The following PTPRM variants were observed in gnomAD, a reference collection of about 807,000 sequenced individuals.
PTPRM encodes the protein receptor-type tyrosine-protein phosphatase mu.
A neutral mutation model predicts 186.7 loss-of-function variants in PTPRM; 47 were observed. The ratio of observed to expected loss-of-function variants is 0.25; its 90% CI spans 0.20 to 0.32. PTPRM has a LOEUF of 0.32. PTPRM is among the 10% of genes least tolerant of loss of function. The pLI is 1.00. For missense variants in PTPRM, 1,494 were observed against 1,865.0 expected, an observed-to-expected ratio of 0.80 and a Z score of 3.66; for synonymous variants, 668 against 674.9, an observed-to-expected ratio of 0.99 and a Z score of 0.16.
intron 19 of PTPRM, among the ~76,000 whole-genome samples, chr18:8,266,931 C>T (rs1199773979): frequency 2.0e-5 from 3 of 152,004 alleles, no homozygotes; most frequent in Non-Finnish European, 4.4e-5. Context: ...AAAGAATTCA[C>T]CCATATTATT....
intron 24 of PTPRM, among the ~76,000 whole-genome samples, chr18:8,372,229 G>T (rs923729830): frequency 6.8e-6 from 1 of 146,180 alleles, no homozygotes; most frequent in African/African-American, 2.5e-5. Context: ...CCGCCACCGC[G>T]CCCGGCTAAT....
chr18:8,201,437 T>C (rs1411212560), intron 14 of PTPRM, among the ~76,000 whole-genome samples: 3 of 152,282 alleles, frequency 2.0e-5, no homozygotes, highest in African/African-American at 7.2e-5. Flanking sequence ...CATTAGTACT[T>C]GTGTCCTTTT....
chr18:7,847,403 G>A (rs760876755), intron 2 of PTPRM, among the ~76,000 whole-genome samples: 10 of 152,042 alleles, frequency 6.6e-5, no homozygotes, highest in Non-Finnish European at 1.2e-4. Context: ...CTGGGCTTAA[G>A]CAATCCACCC....
chr18:7,594,319 A>G (rs2037199239), intron 1 of PTPRM, among the ~76,000 whole-genome samples: 1 of 152,092 alleles, frequency 6.6e-6, no homozygotes, highest in African/African-American at 2.4e-5. Context: ...TGTCTCTACA[A>G]AAATATAAAA....
rs377234109 is a variant in PTPRM at position 8,247,861 on chromosome 18, G to A, written c.2469G>A (p.Ser823=). ...NLNGRSVSSP[S]SFTMKTNTLS... ...TATTTACAGCTGTGTCTTCACCATC[G>A]TCCTTCACAATGAAAACAAATACAC... The change falls in exon 16 of 33, where the codon TCG becomes TCA. Residue 823 remains serine, a synonymous_variant. Transcript: ENST00000580170. The A allele has an allele frequency of 2.1e-5, 33 of 1,603,254 alleles. No individual in the cohort carries two copies. Among genetic ancestry groups the A allele is most frequent in the African/African-American group, 9.4e-5 (7 of 74,600 alleles).
At chr18:7,943,394 G>C (rs539649234) in intron 5 of PTPRM, among the ~76,000 whole-genome samples, 1 of 152,188 alleles carries the variant, frequency 6.6e-6, no homozygotes, top group South Asian at 2.1e-4. Flanking sequence ...ATTCCAAAGT[G>C]GGGTACTCTA....
intron 7 of PTPRM, among the ~76,000 whole-genome samples, chr18:8,053,693 T>A (rs1303205490): frequency 6.6e-6 from 1 of 152,202 alleles, no homozygotes; most frequent in Non-Finnish European, 1.5e-5. Flanking sequence ...AAAACTCTAA[T>A]TAGGTTTTAA....
At chr18:7,665,690 G>T (rs1056323284) in intron 1 of PTPRM, among the ~76,000 whole-genome samples, 1 of 152,088 alleles carries the variant, frequency 6.6e-6, no homozygotes, top group African/African-American at 2.4e-5. Context: ...ACTTTTGGAG[G>T]CCGAGGGGGG....
intron 2 of PTPRM, among the ~76,000 whole-genome samples, chr18:7,809,278 C>G (rs1249058723): frequency 6.6e-6 from 1 of 152,138 alleles, no homozygotes; most frequent in East Asian, 1.9e-4. Flanking sequence ...TCTCTGTGCT[C>G]TATTTTCCAT....
chr18:7,616,790 A>G (rs1160839387), intron 1 of PTPRM, among the ~76,000 whole-genome samples: 1 of 152,036 alleles, frequency 6.6e-6, no homozygotes, highest in Non-Finnish European at 1.5e-5. Flanking sequence ...CTGTCTTCCC[A>G]CTTGGGGTGG....
intron 4 of PTPRM, among the ~76,000 whole-genome samples, chr18:7,912,823 C>G (rs1274253887): frequency 6.6e-6 from 1 of 151,976 alleles, no homozygotes; most frequent in Non-Finnish European, 1.5e-5. Flanking sequence ...CCAGCCAATC[C>G]CTTGTACTTT....
intron 14 of PTPRM, among the ~76,000 whole-genome samples, chr18:8,228,828 G>A (rs1424066915): frequency 6.6e-6 from 1 of 152,078 alleles, no homozygotes. Context: ...ACTCCAGCCT[G>A]GCGACACAGC....
Position 8,386,618 on chromosome 18 carries a change from A to G in PTPRM, c.4045-454A>G, listed in dbSNP as rs537317769. On this transcript the variant is annotated intron_variant, in intron 30 of 32. Transcript: ENST00000580170. The stretch of plus-strand genomic sequence containing the variant: ...GACTAAGGATTAATTAACTATTGCT[A>G]TCTTAGCAAGATTCAACATCAATAA... Among the ~76,000 whole-genome samples, 3 of 152,322 alleles carry G rather than the reference A, an allele frequency of 2.0e-5. No individual in the cohort carries two copies. In the East Asian group the frequency reaches 5.8e-4, roughly 29 times the overall value.
At chr18:8,141,260 C>T (rs139698569) in intron 13 of PTPRM, among the ~76,000 whole-genome samples, 191 of 152,248 alleles carry the variant, frequency 1.3e-3, no homozygotes, top group African/African-American at 4.3e-3. Context: ...CCCAAACACC[C>T]GACTCAACCG....
At chr18:7,820,125 T>C (rs908215360) in intron 2 of PTPRM, among the ~76,000 whole-genome samples, 9 of 144,500 alleles carry the variant, frequency 6.2e-5, no homozygotes, top group African/African-American at 2.4e-4. Flanking sequence ...TTACAAGACC[T>C]CTTGTTGTGC....
intron 7 of PTPRM, among the ~76,000 whole-genome samples, chr18:8,013,076 C>T (rs777666593): frequency 1.3e-5 from 2 of 151,916 alleles, no homozygotes; most frequent in Non-Finnish European, 2.9e-5. Flanking sequence ...AAGTAAGTCC[C>T]CTATCTTGGT....
chr18:7,837,219 C>G (rs1335700852), intron 2 of PTPRM, among the ~76,000 whole-genome samples: 1 of 151,832 alleles, frequency 6.6e-6, no homozygotes, highest in Non-Finnish European at 1.5e-5. Context: ...CTTTTGTTTC[C>G]TCTGACTGTG....
intron 7 of PTPRM, among the ~76,000 whole-genome samples, chr18:7,979,789 T>C (rs1326827999): frequency 6.6e-6 from 1 of 152,162 alleles, no homozygotes; most frequent in Non-Finnish European, 1.5e-5. Flanking sequence ...AGGAGAAGGC[T>C]GGGATGGTGC....
intron 14 of PTPRM, among the ~76,000 whole-genome samples, chr18:8,171,392 C>G (rs1439404352): frequency 6.6e-6 from 1 of 152,054 alleles, no homozygotes; most frequent in Non-Finnish European, 1.5e-5. Context: ...TGTTAGTTTT[C>G]AGGAGGATTT....
Sources: allele counts gnomAD v4.1 joint callset (sites outside exome capture counted in the v4.1 genomes callset), GRCh38; gene constraint gnomAD v4.1.1; transcripts MANE v1.5; gene names NCBI Gene and HGNC (gene_info 2026-07-23, HGNC 2026-07-21).